The following TRIM40 variants were observed in gnomAD, a reference collection of about 807,000 sequenced individuals.
TRIM40 encodes tripartite motif containing 40.
A neutral mutation model predicts 26.1 loss-of-function variants in TRIM40; 27 were observed. The ratio of observed to expected loss-of-function variants is 1.04; its 90% CI spans 0.76 to 1.43. The LOEUF is 1.43. Ranked by LOEUF, TRIM40 falls within the 40% of genes most tolerant of loss-of-function variation. The pLI is 0.00. For synonymous variants in TRIM40, 114 were observed against 120.0 expected, an observed-to-expected ratio of 0.95 and a Z score of 0.33; for missense variants, 289 against 307.9, an observed-to-expected ratio of 0.94 and a Z score of 0.46.
chr6:30,147,964 AT>A lies in TRIM40; in HGVS notation c.*153del, dbSNP rs1424448017. ...TCACCATTTCTTCATGTCCACAGTC[AT>A]CACCTGATGCCTGACCCTCTGACTC... is the stretch of plus-strand genomic sequence containing the variant. On this transcript the variant is annotated 3_prime_UTR_variant, in exon 6 of 6. Coordinates refer to ENST00000396581, the MANE Select transcript of TRIM40 (RefSeq NM_001286633.2). 3.1e-6 allele frequency: 2 copies of A among 651,266 alleles called. No homozygotes were observed. The highest frequency in any genetic ancestry group is 5.4e-6 in the Non-Finnish European group (2 of 368,300). 40.3% of individuals were successfully genotyped at this position (651,266 alleles called of 1,614,324 possible). A position where few individuals can be genotyped will look rare whatever the true frequency, so the allele number is the denominator to read the frequency against.
chr6:30,146,292 C>G (rs1461814159), intron 3 of TRIM40, among the ~76,000 whole-genome samples: 2 of 152,230 alleles, frequency 1.3e-5, no homozygotes, highest in African/African-American at 2.4e-5. Context: ...CTTTATGTGA[C>G]TTACATGTTA....
At chr6:30,138,805 G>A (rs2127420600) in intron 2 of TRIM40, among the ~76,000 whole-genome samples, 1 of 152,278 alleles carries the variant, frequency 6.6e-6, no homozygotes, top group Non-Finnish European at 1.5e-5. Flanking sequence ...CCAAAGCTGA[G>A]GTAGCTTTGA....
intron 2 of TRIM40, among the ~76,000 whole-genome samples, chr6:30,145,247 C>T (rs964731682): frequency 2.0e-5 from 3 of 152,088 alleles, no homozygotes; most frequent in Non-Finnish European, 4.4e-5. Context: ...GTGAAACACA[C>T]ACTTTTCAGC....
At position 30,147,034 on chromosome 6, in the gene TRIM40, A is replaced by G; in HGVS notation, c.491A>G (p.Gln164Arg). 1 of 1,612,540 alleles carries G rather than the reference A, an allele frequency of 6.2e-7. No homozygotes were observed. The highest frequency in any genetic ancestry group is 8.5e-7 in the Non-Finnish European group (1 of 1,179,396). Residue 164 changes from glutamine to arginine, a missense_variant, in exon 4 of 6, where the codon CAG becomes CGG. Coordinates refer to ENST00000396581, the MANE Select transcript of TRIM40 (RefSeq NM_001286633.2). ...AGGCTGGAGGCTGGGCCGGAGAGCCAGCACCAAACCAGGGAACAGCTGGGT... is the reference window on the plus strand; with the variant it reads ...AGGCTGGAGGCTGGGCCGGAGAGCCGGCACCAAACCAGGGAACAGCTGGGT... ...NHRLEAGPES[Q>R]HQTREQLGAL...
At position 30,148,660 on chromosome 6, in the gene TRIM40, G is replaced by C. The variant is rs1771817236; in HGVS notation, c.*848G>C. ...ATAGTCTTGTGAGTACCTAAGCTGAGGACCCAGTGAAGCTGTGCCAAAATT... is the reference window on the plus strand; with the variant it reads ...ATAGTCTTGTGAGTACCTAAGCTGACGACCCAGTGAAGCTGTGCCAAAATT... On this transcript the variant is annotated 3_prime_UTR_variant, in exon 6 of 6. Coordinates refer to ENST00000396581, the MANE Select transcript of TRIM40 (RefSeq NM_001286633.2). 1 of 152,212 alleles carries C rather than the reference G, an allele frequency of 6.6e-6. No homozygotes were observed. The highest frequency in any genetic ancestry group is 1.5e-5 in the Non-Finnish European group (1 of 68,054). 9.4% of individuals were successfully genotyped at this position (152,212 alleles called of 1,614,324 possible).
At chr6:30,140,029 T>A (rs542521630) in intron 2 of TRIM40, among the ~76,000 whole-genome samples, 57 of 152,366 alleles carry the variant, frequency 3.7e-4, no homozygotes, top group African/African-American at 1.4e-3. Flanking sequence ...AGATACCATC[T>A]CTGCCAGTTA....
Position 30,145,992 on chromosome 6 carries a change from A to G in TRIM40, c.346-2A>G. 2 of 1,612,814 alleles carry G rather than the reference A, an allele frequency of 1.2e-6. No homozygotes were observed. Among genetic ancestry groups the G allele is most frequent in the Admixed American group, 3.3e-5 (2 of 60,030 alleles). On this transcript the variant is annotated splice_acceptor_variant, in intron 2 of 5. Transcript: ENST00000396581. LOFTEE classifies it high-confidence loss of function. ...GACAAGCAGGTGTGTCTGTCTCTTT[A>G]GGAACGACTCAATCGCCGGAGCAGG...
At chr6:30,139,352 T>G (rs994959961) in intron 2 of TRIM40, among the ~76,000 whole-genome samples, 4 of 147,196 alleles carry the variant, frequency 2.7e-5, no homozygotes, top group Admixed American at 6.7e-5. Flanking sequence ...TTTTTTTTTT[T>G]TTTTTTTTTG....
chr6:30,141,286 G>A (rs9261486), intron 2 of TRIM40, among the ~76,000 whole-genome samples: 31,286 of 152,148 alleles, frequency 0.21, 3,541 homozygotes, highest in East Asian at 0.27. Context: ...CTGTGATTGT[G>A]CCACTGCACT....
chr6:30,144,850 G>A (rs9261507), intron 2 of TRIM40, among the ~76,000 whole-genome samples: 33,501 of 152,074 alleles, frequency 0.22, 4,032 homozygotes, highest in Admixed American at 0.25. Context: ...TCTTGTGCTC[G>A]CACAAACAGT....
intron 2 of TRIM40, among the ~76,000 whole-genome samples, 177 bp from the exon 3 acceptor site, chr6:30,145,817 T>C (rs1468000628): frequency 6.6e-6 from 1 of 152,188 alleles, no homozygotes; most frequent in Non-Finnish European, 1.5e-5. Flanking sequence ...CATTATCCAA[T>C]AAATAAACTC....
At chr6:30,138,514 T>C (rs1771150703) in intron 2 of TRIM40, among the ~76,000 whole-genome samples, 1 of 152,232 alleles carries the variant, frequency 6.6e-6, no homozygotes, top group Non-Finnish European at 1.5e-5. Context: ...CTGCCTTGAT[T>C]CTTTGTGCTG....
chr6:30,139,413 G>A (rs1024283202), intron 2 of TRIM40, among the ~76,000 whole-genome samples: 3 of 144,416 alleles, frequency 2.1e-5, no homozygotes, highest in Admixed American at 7.3e-5. Flanking sequence ...GCATGATCTC[G>A]GCTCACTGCA....
At position 30,137,343 on chromosome 6, in the gene TRIM40, C is replaced by G. The variant is rs150127274; in HGVS notation, c.307C>G (p.His103Asp). 54 of 1,612,902 alleles carry G rather than the reference C, an allele frequency of 3.3e-5. No individual in the cohort carries two copies. Among genetic ancestry groups the G allele is most frequent in the Admixed American group, 5.0e-5 (3 of 60,000 alleles). Reference protein sequence around the residue: ...CLVSPEHMSHHELTIENALSH... With the variant: ...CLVSPEHMSHDELTIENALSH... ...GGTGTCCCCTGAACACATGTCTCAT[C>G]ATGAACTGACCATTGAAAATGCCCT... is the stretch of plus-strand genomic sequence containing the variant. Residue 103 changes from histidine (H) to aspartate (D), a missense_variant, in exon 2 of 6, where the codon CAT becomes GAT. Physicochemically the swap from His to Asp is moderately conservative, Grantham distance 81. Transcript: ENST00000396581.
At chr6:30,142,939 C>CCA (rs1268485812) in intron 2 of TRIM40, among the ~76,000 whole-genome samples, 1 of 151,868 alleles carries the variant, frequency 6.6e-6, no homozygotes, top group Admixed American at 6.6e-5. Context: ...ATTTTTAAAT[C>CCA]TAGCAGCATT....
chr6:30,140,949 G>A (rs1366943645), intron 2 of TRIM40, among the ~76,000 whole-genome samples: 2 of 152,050 alleles, frequency 1.3e-5, no homozygotes, highest in Non-Finnish European at 2.9e-5. Flanking sequence ...CTTATTCCTA[G>A]AACCTAGAAC....
intron 5 of TRIM40, 71 bp downstream of exon 5, chr6:30,147,613 A>C (rs1266315919): frequency 3.1e-6 from 5 of 1,613,320 alleles, no homozygotes; most frequent in Non-Finnish European, 4.2e-6. Flanking sequence ...CACAGAGGTC[A>C]AGGAGACCCA....
At chr6:30,137,521 AC>A in intron 2 of TRIM40, 140 bp downstream of exon 2, 1 of 745,794 alleles carries the variant, frequency 1.3e-6, no homozygotes. Context: ...CCTGTTTTGG[AC>A]CCTTGTCTTG....
At chr6:30,141,627 G>A (rs1324189041) in intron 2 of TRIM40, among the ~76,000 whole-genome samples, 1 of 152,200 alleles carries the variant, frequency 6.6e-6, no homozygotes, top group Non-Finnish European at 1.5e-5. Flanking sequence ...GAGTTGGGAG[G>A]AGGCACACTT....
Sources: allele counts gnomAD v4.1 joint callset (sites outside exome capture counted in the v4.1 genomes callset), GRCh38; gene constraint gnomAD v4.1.1; transcripts MANE v1.5; gene names NCBI Gene and HGNC (gene_info 2026-07-23, HGNC 2026-07-21).